UBL7: variants seen among roughly 807,000 people sequenced by gnomAD.
The protein encoded by UBL7 is ubiquitin like 7.
In UBL7, 21 loss-of-function variants were observed where a neutral mutation model predicts 41.7. The observed-to-expected ratio is 0.50, with a 90% confidence interval of 0.36 to 0.73. UBL7 has a LOEUF of 0.73. Among genes scored for constraint, UBL7 ranks in the 30% least tolerant of loss-of-function variants. The probability of loss-of-function intolerance (pLI) is 0.00; values close to 1 mark genes in which losing one functional copy is unlikely to be tolerated. For missense variants in UBL7, 403 were observed against 478.4 expected (o/e 0.84, Z 1.47); for synonymous variants, 157 against 186.9 (o/e 0.84, Z 1.31).
In UBL7 at chr15:74,458,806, G is replaced by A; in HGVS notation, c.62C>T (p.Ser21Phe). ...KLADQPLTPK[S>F]ILRLPETELG... ...TTCTGTCTCTGGCAACCGAAGAATA[G>A]ACTTTGGAGTAAGTGGCTGGTCAGC... Residue 21 changes from serine to phenylalanine, a missense_variant, in exon 2 of 11, where the codon TCT (serine) becomes TTT (phenylalanine). Transcript: ENST00000395081. 6.2e-7 allele frequency: 1 copy of A among 1,613,668 alleles called. No individual in the cohort carries two copies. The highest frequency in any genetic ancestry group is 1.1e-5 in the South Asian group (1 of 91,090).
chr15:74,458,150 G>A (rs2061311543), intron 2 of UBL7, among the ~76,000 whole-genome samples: 1 of 152,102 alleles, frequency 6.6e-6, no homozygotes. Flanking sequence ...CACAATGTTG[G>A]CCAGGAGCGG....
At chr15:74,453,610 GCAAGT>G (rs2061269710) in intron 3 of UBL7, among the ~76,000 whole-genome samples, 1 of 152,248 alleles carries the variant, frequency 6.6e-6, no homozygotes, top group East Asian at 1.9e-4. Flanking sequence ...TGAACAAACA[GCAAGT>G]CATTCTTTGT....
chr15:74,459,187 T>C, intron 1 of UBL7: 4 of 259,256 alleles, frequency 1.5e-5, no homozygotes, highest in Non-Finnish European at 3.0e-5. Context: ...TGTATGCCCC[T>C]TTTTCCAATT....
intron 1 of UBL7, chr15:74,459,234 A>G (rs2061323576): frequency 5.1e-6 from 1 of 195,412 alleles, no homozygotes. Context: ...GAACAGCTTT[A>G]TAACAAGTTC....
chr15:74,453,560 C>T (rs1255762336), intron 3 of UBL7, among the ~76,000 whole-genome samples: 1 of 152,166 alleles, frequency 6.6e-6, no homozygotes, highest in African/African-American at 2.4e-5. Context: ...TGAATGAGAA[C>T]ATGTGCAAAG....
At chr15:74,452,738 C>T (rs534600342) in intron 3 of UBL7, among the ~76,000 whole-genome samples, 1 of 152,276 alleles carries the variant, frequency 6.6e-6, no homozygotes, top group South Asian at 2.1e-4. Flanking sequence ...GTTTTTCAGA[C>T]AGTCTCACCT....
rs1451651189 is a variant in UBL7 at position 74,449,647 on chromosome 15, A to G, written c.693T>C (p.Asp231=). Residue 231 remains aspartate (D), a synonymous_variant, in exon 8 of 11, where the codon GAT becomes GAC. Coordinates refer to ENST00000395081, the MANE Select transcript of UBL7 (RefSeq NM_032907.5). ...TTACTGGGTGAAAGTCATCCTCATC[A>G]TCTGAGAGCCCTTCAAACAGGAAGC... ...PGGFLFEGLS[D]DEDDFHPNTR... 5 of 1,614,134 alleles carry G rather than the reference A, an allele frequency of 3.1e-6. No individual in the cohort carries two copies. In the South Asian group the frequency reaches 5.5e-5, roughly 18 times the overall value.
chr15:74,448,617 GGTCA>G lies in UBL7; in HGVS notation c.883-21_883-18del. ...GGAATGACCCTAGAGACAAATTAGTGGTCAGTGCCACCCTCAGCGCCATCTCAAT... is the reference window on the plus strand; with the variant it reads ...GGAATGACCCTAGAGACAAATTAGTGGTGCCACCCTCAGCGCCATCTCAAT... On this transcript the variant is annotated intron_variant, in intron 9 of 10. Coordinates refer to ENST00000395081, the MANE Select transcript of UBL7 (RefSeq NM_032907.5). 2 of 1,613,408 alleles carry G rather than the reference GGTCA, an allele frequency of 1.2e-6. No individual in the cohort carries two copies. The highest frequency in any genetic ancestry group is 1.7e-6 in the Non-Finnish European group (2 of 1,179,644).
rs769630939 is a variant in UBL7, at chr15:74,458,831, C to T, written c.37G>A (p.Ala13Thr). The T allele has an allele frequency of 1.9e-6, 3 of 1,612,840 alleles. No individual in the cohort carries two copies. In the East Asian group the frequency reaches 6.7e-5, roughly 36 times the overall value. ...GACTTTGGAGTAAGTGGCTGGTCAG[C>T]CAGCTTCACCGCCAGGTGCCAGTCT... is the stretch of plus-strand genomic sequence containing the variant. ...LSDWHLAVKL[A>T]DQPLTPKSIL... Residue 13 changes from alanine to threonine, a missense_variant, in exon 2 of 11, where the codon GCT (alanine) becomes ACT (threonine). Ala to Thr is a moderately conservative substitution (Grantham distance 58, BLOSUM62 0). Transcript: ENST00000395081.
rs1173813632 is a variant in UBL7, at chr15:74,449,225, A to C, written c.843T>G (p.Thr281=). 2 of 1,594,754 alleles carry C rather than the reference A, an allele frequency of 1.3e-6. No individual in the cohort carries two copies. The highest frequency in any genetic ancestry group is 1.1e-5 in the South Asian group (1 of 88,362). ...ELATALALAS[T]PESSSHTPTP... ...TCGGTGTGTGAGAGCTGCTCTCCGG[A>C]GTGCTGGCCAGGGCCAAGGCGGTGG... is the stretch of plus-strand genomic sequence containing the variant. The change falls in exon 9 of 11, where the codon ACT becomes ACG. Residue 281 remains threonine, a synonymous_variant. Transcript: ENST00000395081.
intron 1 of UBL7, among the ~76,000 whole-genome samples, chr15:74,460,421 T>G (rs1567094444): frequency 6.6e-6 from 1 of 152,054 alleles, no homozygotes; most frequent in African/African-American, 2.4e-5. Flanking sequence ...AACAAAGCTC[T>G]CCCCTATTTT....
intron 10 of UBL7, among the ~76,000 whole-genome samples, chr15:74,447,231 G>A (rs987904530): frequency 7.9e-5 from 12 of 152,192 alleles, no homozygotes; most frequent in African/African-American, 1.9e-4. Flanking sequence ...CTATCGTTAC[G>A]ACTTCATGGC....
Position 74,449,111 on chromosome 15 carries a change from G to C in UBL7, c.882+75C>G, listed in dbSNP as rs1177917313. 5.4e-6 allele frequency: 8 copies of C among 1,482,852 alleles called. No individual in the cohort carries two copies. The South Asian group carries it at 1.1e-4, about 20-fold the overall frequency. The allele number at this position is 1,482,852 out of a possible 1,614,324, so 91.9% of individuals were successfully genotyped here. A position where few individuals can be genotyped will look rare whatever the true frequency, so the allele number is the denominator to read the frequency against. ...TAGATCTAGCACCAGGGTCAGCAAA[G>C]GCAAATCTACTCTACTGCTGGGGAG... On this transcript the variant is annotated intron_variant, in intron 9 of 10. Transcript: ENST00000395081.
intron 9 of UBL7, 146 bp downstream of exon 9, chr15:74,449,040 G>T: frequency 1.0e-6 from 1 of 975,868 alleles, no homozygotes; most frequent in Non-Finnish European, 1.5e-6. Context: ...GGTCACTCAA[G>T]CTGCAGTAAG....
chr15:74,453,160 C>T (rs562985933), intron 3 of UBL7, among the ~76,000 whole-genome samples: 2 of 152,274 alleles, frequency 1.3e-5, no homozygotes, highest in Admixed American at 1.3e-4. Flanking sequence ...ACATCCTTAT[C>T]GACAGTCCTG....
intron 1 of UBL7, chr15:74,459,109 G>A (rs1460329917): frequency 1.8e-5 from 9 of 512,274 alleles, no homozygotes; most frequent in Admixed American, 1.7e-4. Context: ...CATCCCTAAC[G>A]TGGACATAAA....
intron 2 of UBL7, 35 bp downstream of exon 2, chr15:74,458,649 G>C (rs1379001769): frequency 3.2e-6 from 5 of 1,582,598 alleles, no homozygotes; most frequent in African/African-American, 2.7e-5. Context: ...AAAGAGATCA[G>C]AGCAGCAGCC....
chr15:74,449,126 C>A, intron 9 of UBL7, 60 bp downstream of exon 9: 1 of 1,501,828 alleles, frequency 6.7e-7, no homozygotes, highest in Non-Finnish European at 8.9e-7. Flanking sequence ...ATCTACTCTA[C>A]TGCTGGGGAG....
intron 9 of UBL7, 38 bp from the exon 10 acceptor site, chr15:74,448,638 C>A: frequency 6.2e-7 from 1 of 1,611,126 alleles, no homozygotes; most frequent in South Asian, 1.1e-5. Context: ...CCCTCAGCGC[C>A]ATCTCAATCT....
Sources: allele counts gnomAD v4.1 joint callset (sites outside exome capture counted in the v4.1 genomes callset), GRCh38; gene constraint gnomAD v4.1.1; transcripts MANE v1.5; gene names NCBI Gene and HGNC (gene_info 2026-07-23, HGNC 2026-07-21).